Variants in FYN observed in about 807,000 individuals in gnomAD.
FYN encodes tyrosine-protein kinase Fyn.
In FYN, 10 loss-of-function variants were observed where a neutral mutation model predicts 70.2. That is an observed-to-expected ratio of 0.14 (90% CI 0.09 to 0.24). The LOEUF is 0.24. FYN is among the 10% of genes least tolerant of loss of function. The pLI is 1.00. For synonymous variants in FYN, 236 were observed against 248.6 expected (o/e 0.95, Z 0.48); for missense variants, 319 against 673.1 (o/e 0.47, Z 5.82).
At chr6:111,871,768 G>A (rs1024848536) in intron 1 of FYN, among the ~76,000 whole-genome samples, 1 of 152,190 alleles carries the variant, frequency 6.6e-6, no homozygotes, top group Non-Finnish European at 1.5e-5. Flanking sequence ...GGGATGGGGA[G>A]GCTACCTTAA....
At position 111,750,737 on chromosome 6, in the gene FYN, A is replaced by G. The variant is rs533610840; in HGVS notation, c.-12+29829T>C. ...ATGTCATTTTTTTTTTTTTTTTTTT[A>G]CTAACATTGAAGGCAAGTTGGGAAA... On this transcript the variant is annotated intron_variant, in intron 3 of 13. Transcript: ENST00000354650. Among the ~76,000 whole-genome samples the G allele has an allele frequency of 3.3e-4, 22 of 66,000 alleles. No homozygotes were observed. The South Asian group carries it at 4.8e-3, about 14-fold the overall frequency. The allele number at this position is 66,000 out of a possible 152,430, so 43.3% of individuals were successfully genotyped here. A position where few individuals can be genotyped will look rare whatever the true frequency, so the allele number is the denominator to read the frequency against.
At chr6:111,688,078 A>G (rs1799104001) in intron 12 of FYN, among the ~76,000 whole-genome samples, 1 of 152,204 alleles carries the variant, frequency 6.6e-6, no homozygotes, top group Admixed American at 6.5e-5. Flanking sequence ...AAAAAACTCC[A>G]AAGTGTTGTG....
chr6:111,871,152 A>G (rs1356688469), intron 1 of FYN, among the ~76,000 whole-genome samples: 1 of 152,266 alleles, frequency 6.6e-6, no homozygotes, highest in African/African-American at 2.4e-5. Flanking sequence ...TTAAGCATGT[A>G]ATAGTCACTG....
chr6:111,709,219 C>T (rs533100778), intron 5 of FYN, among the ~76,000 whole-genome samples: 1 of 151,946 alleles, frequency 6.6e-6, no homozygotes, highest in Non-Finnish European at 1.5e-5. Context: ...TGGCTGAGTT[C>T]TGTGTCAAAG....
At chr6:111,851,413 A>G (rs932900712) in intron 1 of FYN, among the ~76,000 whole-genome samples, 1 of 152,216 alleles carries the variant, frequency 6.6e-6, no homozygotes, top group Non-Finnish European at 1.5e-5. Flanking sequence ...AAATTTCCAC[A>G]TTCTACCCCA....
At chr6:111,863,973 TC>T (rs1455392998) in intron 1 of FYN, among the ~76,000 whole-genome samples, 1 of 152,122 alleles carries the variant, frequency 6.6e-6, no homozygotes, top group Non-Finnish European at 1.5e-5. Context: ...TCACTGTTGT[TC>T]CCAGATACAG....
At chr6:111,865,299 G>C (rs1774073597) in intron 1 of FYN, among the ~76,000 whole-genome samples, 1 of 152,206 alleles carries the variant, frequency 6.6e-6, no homozygotes, top group Admixed American at 6.5e-5. Context: ...CCCAAGTCAG[G>C]CTTCACTTCC....
At position 111,707,976 on chromosome 6, in the gene FYN, G is replaced by C. The variant is rs746811848; in HGVS notation, c.389C>G (p.Thr130Arg). 1 of 1,614,060 alleles carries C rather than the reference G, an allele frequency of 6.2e-7. No homozygotes were observed. Among genetic ancestry groups the C allele is most frequent in the East Asian group, 2.2e-5 (1 of 44,880 alleles). ...CACATAATTGCTGGGAATGTAACCT[G>C]TCTCTCCAGTTGTCAAGGAGCGGGC... Reference protein sequence around the residue: ...WEARSLTTGETGYIPSNYVAP... With the variant: ...WEARSLTTGERGYIPSNYVAP... The change falls in exon 6 of 14, where the codon ACA becomes AGA. Residue 130 changes from threonine to arginine, a missense_variant. Coordinates refer to ENST00000354650, the MANE Select transcript of FYN (RefSeq NM_002037.5).
chr6:111,866,825 G>C, intron 1 of FYN, among the ~76,000 whole-genome samples: 1 of 152,222 alleles, frequency 6.6e-6, no homozygotes, highest in Non-Finnish European at 1.5e-5. Flanking sequence ...AAAACCGCAA[G>C]AGTCCTTCAT....
chr6:111,760,957 A>C (rs998697696), intron 3 of FYN, among the ~76,000 whole-genome samples: 8 of 152,122 alleles, frequency 5.3e-5, no homozygotes, highest in African/African-American at 1.9e-4. Flanking sequence ...CCATAATCAG[A>C]GGGATCCCCT....
chr6:111,700,776 G>A (rs184887155), intron 8 of FYN, among the ~76,000 whole-genome samples: 1 of 152,118 alleles, frequency 6.6e-6, no homozygotes, highest in Non-Finnish European at 1.5e-5. Flanking sequence ...GGGGATTAGG[G>A]ATCTCTCTAT....
chr6:111,811,915 C>T (rs571238797), intron 2 of FYN, among the ~76,000 whole-genome samples: 1 of 152,204 alleles, frequency 6.6e-6, no homozygotes, highest in Admixed American at 6.5e-5. Context: ...ACGGGACTCT[C>T]CAGGCATCAC....
intron 3 of FYN, among the ~76,000 whole-genome samples, chr6:111,772,113 A>G (rs905104315): frequency 2.0e-5 from 3 of 152,190 alleles, no homozygotes; most frequent in African/African-American, 7.2e-5. Context: ...AAAATGTTCT[A>G]CACATGAGGA....
At position 111,841,470 on chromosome 6, in the gene FYN, T is replaced by C. The variant is rs12660245; in HGVS notation, c.-82+5119A>G. 2.7e-3 allele frequency among the ~76,000 whole-genome samples: 407 copies of C among 152,296 alleles called. 1 individual carries two copies. Among genetic ancestry groups the C allele is most frequent in the Non-Finnish European group, 3.9e-3 (263 of 68,014 alleles). On this transcript the variant is annotated intron_variant, in intron 2 of 13. Transcript: ENST00000354650. ...AGAAGGGTGCTTCAAGTCTGAGATA[T>C]AGTTTTGGATCTTGCTGCTTCCTAG... is the stretch of plus-strand genomic sequence containing the variant.
chr6:111,770,851 G>A (rs1803422313), intron 3 of FYN, among the ~76,000 whole-genome samples: 2 of 152,144 alleles, frequency 1.3e-5, no homozygotes, highest in East Asian at 1.9e-4. Flanking sequence ...ACTCTCTATC[G>A]TAAGAATGGC....
chr6:111,858,031 C>A (rs1319736496), intron 1 of FYN, among the ~76,000 whole-genome samples: 1 of 152,222 alleles, frequency 6.6e-6, no homozygotes, highest in Non-Finnish European at 1.5e-5. Context: ...GATTGGCACA[C>A]TTCCCTTCTG....
intron 12 of FYN, among the ~76,000 whole-genome samples, chr6:111,691,402 C>T (rs779397046): frequency 2.6e-5 from 4 of 152,160 alleles, no homozygotes; most frequent in Admixed American, 6.5e-5. Flanking sequence ...TGCATGTTTC[C>T]GAATGCCGCC....
intron 2 of FYN, among the ~76,000 whole-genome samples, chr6:111,819,676 TTAC>T (rs1772596369): frequency 6.6e-6 from 1 of 152,182 alleles, no homozygotes; most frequent in South Asian, 2.1e-4. Flanking sequence ...TCCTGTTTCT[TTAC>T]TACTTACTTT....
intron 3 of FYN, among the ~76,000 whole-genome samples, chr6:111,752,919 G>C (rs1802551255): frequency 6.6e-6 from 1 of 152,112 alleles, no homozygotes; most frequent in South Asian, 2.1e-4. Context: ...GAATGGAACT[G>C]GGCACTTACT....
Sources: allele counts gnomAD v4.1 joint callset (sites outside exome capture counted in the v4.1 genomes callset), GRCh38; gene constraint gnomAD v4.1.1; transcripts MANE v1.5; gene names NCBI Gene and HGNC (gene_info 2026-07-23, HGNC 2026-07-21).